Variants in PLCL1 observed in about 807,000 individuals in gnomAD.
PLCL1 encodes the protein phospholipase C like 1 (inactive).
PLCL1 carries 41 observed loss-of-function variants against 84.4 expected under a neutral mutation model. The observed-to-expected ratio is 0.49, with a 90% CI of 0.38 to 0.63. The LOEUF (loss-of-function observed/expected upper bound fraction) is 0.63. PLCL1 is among the 30% of genes least tolerant of loss of function. PLCL1 has a pLI of 0.00. For synonymous variants in PLCL1, 490 were observed against 488.3 expected (o/e 1.00, Z -0.05); for missense variants, 1,206 against 1,367.8 (o/e 0.88, Z 1.87).
chr2:197,936,763 G>A (rs1183683098), intron 1 of PLCL1, among the ~76,000 whole-genome samples: 2 of 151,796 alleles, frequency 1.3e-5, no homozygotes, highest in African/African-American at 2.4e-5. Context: ...ATGTAATTCC[G>A]TTTGTCTATT....
chr2:197,850,078 ACG>A (rs1553495689), intron 1 of PLCL1, among the ~76,000 whole-genome samples: 2 of 144,380 alleles, frequency 1.4e-5, no homozygotes, highest in Admixed American at 1.4e-4. Context: ...ACACACACAC[ACG>A]ACTGCAGCCA....
chr2:198,141,134 C>T (rs148718654), intron 5 of PLCL1, among the ~76,000 whole-genome samples: 28 of 152,186 alleles, frequency 1.8e-4, no homozygotes, highest in South Asian at 6.2e-4. Context: ...AACTACTCTA[C>T]GACTATTCAT....
At chr2:197,898,064 G>A (rs879835743) in intron 1 of PLCL1, among the ~76,000 whole-genome samples, 2 of 152,148 alleles carry the variant, frequency 1.3e-5, no homozygotes, top group Admixed American at 1.3e-4. Flanking sequence ...GCTAAAAGGC[G>A]TCTGTCCAGT....
intron 1 of PLCL1, among the ~76,000 whole-genome samples, chr2:197,992,505 C>T (rs1264759225): frequency 2.0e-5 from 3 of 151,942 alleles, no homozygotes; most frequent in Non-Finnish European, 4.4e-5. Context: ...GCTCAACCAA[C>T]CCCCCTCCTC....
chr2:198,148,893 C>A lies in PLCL1; in HGVS notation c.*1931C>A, dbSNP rs1421877396. The A allele has an allele frequency of 6.6e-6, 1 of 152,326 alleles. No individual in the cohort carries two copies. Among genetic ancestry groups the A allele is most frequent in the East Asian group, 1.9e-4 (1 of 5,334 alleles). 9.4% of individuals were successfully genotyped at this position (152,326 alleles called of 1,614,324 possible). ...ATTTACTCCAGGGTCAAATCCAATC[C>A]TTGGAAGTAGCTTCTCTAGTTTATT... On this transcript the variant is annotated 3_prime_UTR_variant, in exon 6 of 6. Transcript: ENST00000428675.
chr2:198,104,786 G>GT (rs1693432703), intron 5 of PLCL1, among the ~76,000 whole-genome samples: 1 of 152,076 alleles, frequency 6.6e-6, no homozygotes, highest in African/African-American at 2.4e-5. Context: ...GATTAGTGAT[G>GT]TTGAACACCT....
At chr2:197,836,425 C>A (rs1469028016) in intron 1 of PLCL1, among the ~76,000 whole-genome samples, 2 of 110,156 alleles carry the variant, frequency 1.8e-5, no homozygotes, top group African/African-American at 3.6e-5. Context: ...CCAGCCTGGG[C>A]GACAGAGCGA....
chr2:197,931,894 C>A (rs1688943084), intron 1 of PLCL1, among the ~76,000 whole-genome samples: 1 of 152,074 alleles, frequency 6.6e-6, no homozygotes, highest in Admixed American at 6.6e-5. Context: ...TTAAAATTGT[C>A]AAAATTGGAG....
Position 198,147,230 on chromosome 2 carries a change from G to GTGTGTGTGTGTA in PLCL1, c.*272_*273insTGTGTGTATGTG, listed in dbSNP as rs1424074659. On this transcript the variant is annotated 3_prime_UTR_variant, in exon 6 of 6. Transcript: ENST00000428675. ...TGTGTGTGTGTGTGTGTGTGTGTGT[G>GTGTGTGTGTGTA]TGTGGCAGAGAGAGAGAAAGAGAGA... 3 of 277,358 alleles carry GTGTGTGTGTGTA rather than the reference G, an allele frequency of 1.1e-5. No individual in the cohort carries two copies. Among genetic ancestry groups the GTGTGTGTGTGTA allele is most frequent in the Non-Finnish European group, 2.0e-5 (3 of 149,068 alleles). The allele number at this position is 277,358 out of a possible 1,614,324, so 17.2% of individuals were successfully genotyped here. A position where few individuals can be genotyped will look rare whatever the true frequency, so the allele number is the denominator to read the frequency against.
intron 1 of PLCL1, among the ~76,000 whole-genome samples, chr2:197,810,096 C>G (rs1449187888): frequency 6.6e-6 from 1 of 152,092 alleles, no homozygotes; most frequent in Non-Finnish European, 1.5e-5. Flanking sequence ...CTGGGGGCTT[C>G]AGCTGCGGCT....
At chr2:197,941,742 A>C (rs991363782) in intron 1 of PLCL1, among the ~76,000 whole-genome samples, 1 of 152,066 alleles carries the variant, frequency 6.6e-6, no homozygotes, top group Non-Finnish European at 1.5e-5. Flanking sequence ...GTTAGCCCTC[A>C]CCATTCTGCT....
intron 1 of PLCL1, among the ~76,000 whole-genome samples, chr2:197,863,292 G>A (rs1418857151): frequency 6.6e-6 from 1 of 151,988 alleles, no homozygotes; most frequent in Non-Finnish European, 1.5e-5. Context: ...TTCAGTGTTG[G>A]ACAAACTTAA....
At chr2:197,850,797 CAT>C (rs773773050) in intron 1 of PLCL1, among the ~76,000 whole-genome samples, 52 of 152,096 alleles carry the variant, frequency 3.4e-4, no homozygotes, top group Non-Finnish European at 6.5e-4. Context: ...TTCAAGAACA[CAT>C]ATTGGAGCTT....
intron 1 of PLCL1, among the ~76,000 whole-genome samples, chr2:197,903,611 GT>G (rs1418875115): frequency 7.0e-6 from 1 of 142,360 alleles, no homozygotes; most frequent in Non-Finnish European, 1.5e-5. Flanking sequence ...AGTCTCCTGA[GT>G]AGCCGGGACT....
chr2:197,900,923 TG>T (rs567973316), intron 1 of PLCL1, among the ~76,000 whole-genome samples: 254 of 152,258 alleles, frequency 1.7e-3, no homozygotes, highest in Non-Finnish European at 2.1e-3. Flanking sequence ...CTTCAAAGAT[TG>T]TAAGTGTTTT....
rs141553794 is a variant in PLCL1 at position 198,085,557 on chromosome 2, T to C, written c.2040T>C (p.Leu680=). Residue 680 remains leucine (L), a synonymous_variant, in exon 2 of 6, where the codon CTT becomes CTC. Coordinates refer to ENST00000428675, the MANE Select transcript of PLCL1 (RefSeq NM_006226.4). This position sits in a 1 kb window ranked among gnomAD's most constrained non-coding sequence, Gnocchi z 5.3. ...AGACTCCGGGTCCAATGATGGACCT[T>C]CACACGGGCTGGTTTCTTCAAAACG... The part of the protein sequence containing the change: ...NFQTPGPMMD[L]HTGWFLQNGG... 1.5e-4 allele frequency: 238 copies of C among 1,613,992 alleles called. No individual in the cohort carries two copies. The African/African-American group carries it at 2.1e-3, about 14-fold the overall frequency.
At chr2:198,043,305 A>G (rs1296261617) in intron 1 of PLCL1, among the ~76,000 whole-genome samples, 1 of 152,214 alleles carries the variant, frequency 6.6e-6, no homozygotes, top group Non-Finnish European at 1.5e-5. Flanking sequence ...TAGTTTCAGG[A>G]CAGTTCAGAT....
intron 1 of PLCL1, among the ~76,000 whole-genome samples, chr2:198,039,267 A>T (rs536364497): frequency 5.3e-5 from 8 of 152,290 alleles, no homozygotes; most frequent in African/African-American, 1.9e-4. Context: ...GGAAAACATT[A>T]TTCTAAACTC....
At chr2:198,047,091 A>G (rs1170819429) in intron 1 of PLCL1, among the ~76,000 whole-genome samples, 1 of 152,102 alleles carries the variant, frequency 6.6e-6, no homozygotes, top group African/African-American at 2.4e-5. Flanking sequence ...GAGCTTTTCT[A>G]GAAATTGTGG....
Sources: allele counts gnomAD v4.1 joint callset (sites outside exome capture counted in the v4.1 genomes callset), GRCh38; gene constraint gnomAD v4.1.1; non-coding constraint Gnocchi (gnomAD v3.1); transcripts MANE v1.5; gene names NCBI Gene and HGNC (gene_info 2026-07-23, HGNC 2026-07-21).